ACCSL: variants seen among roughly 807,000 people sequenced by gnomAD.
ACCSL encodes the protein probable inactive 1-aminocyclopropane-1-carboxylate synthase-like protein 2.
ACCSL carries 55 observed loss-of-function variants against 61.7 expected under a neutral mutation model. The ratio of observed to expected loss-of-function variants is 0.89; its 90% CI spans 0.72 to 1.12. The LOEUF (loss-of-function observed/expected upper bound fraction) is 1.12. Ranked by LOEUF, ACCSL falls within the 50% of genes most tolerant of loss-of-function variation. The pLI is 0.00. For synonymous variants in ACCSL, 258 were observed against 264.3 expected (o/e 0.98, Z 0.23); for missense variants, 632 against 698.0 (o/e 0.91, Z 1.07).
At chr11:43,941,307 C>A in the ACCSL span, among the ~76,000 whole-genome samples, 1 of 152,208 alleles carries the variant, frequency 6.6e-6, no homozygotes, top group Non-Finnish European at 1.5e-5. Flanking sequence ...CCCCACAACA[C>A]CCCACTCCCA....
the ACCSL span, among the ~76,000 whole-genome samples, chr11:44,021,055 C>T: frequency 6.6e-6 from 1 of 151,868 alleles, no homozygotes; most frequent in Non-Finnish European, 1.5e-5. Context: ...AGGCTGGTTC[C>T]GTATTTTACG....
the ACCSL span, among the ~76,000 whole-genome samples, chr11:43,932,069 T>A: frequency 6.6e-6 from 1 of 152,132 alleles, no homozygotes; most frequent in Non-Finnish European, 1.5e-5. Context: ...GGGCCAGGCT[T>A]AGAACCTTAA....
chr11:43,985,961 T>C, the ACCSL span, among the ~76,000 whole-genome samples: 60 of 147,894 alleles, frequency 4.1e-4, no homozygotes, highest in Admixed American at 1.5e-3. Flanking sequence ...AGACTCTGTC[T>C]CAAAAAATAT....
At chr11:43,963,885 A>G in the ACCSL span, among the ~76,000 whole-genome samples, 1 of 152,188 alleles carries the variant, frequency 6.6e-6, no homozygotes, top group South Asian at 2.1e-4. Flanking sequence ...CTCCTTGCCA[A>G]TGTACTTAAT....
chr11:43,976,284 A>T, the ACCSL span, among the ~76,000 whole-genome samples: 1 of 152,266 alleles, frequency 6.6e-6, no homozygotes, highest in East Asian at 1.9e-4. Context: ...AGGGCAGACT[A>T]TGGTATCCAG....
chr11:43,988,337 T>A, the ACCSL span, among the ~76,000 whole-genome samples: 3 of 152,122 alleles, frequency 2.0e-5, no homozygotes, highest in Non-Finnish European at 4.4e-5. Flanking sequence ...AACAAATAAC[T>A]CTTCATCAGA....
the ACCSL span, among the ~76,000 whole-genome samples, chr11:43,952,684 A>AATT: frequency 6.6e-6 from 1 of 152,162 alleles, no homozygotes; most frequent in Non-Finnish European, 1.5e-5. Context: ...AAGGGACAGG[A>AATT]ATTATTCACT....
In ACCSL at chr11:44,053,344, G is replaced by C. The variant is rs1232586861; in HGVS notation, c.949-62G>C. 4.5e-6 allele frequency: 7 copies of C among 1,541,424 alleles called. No homozygotes were observed. The East Asian group carries it at 1.6e-4, about 35-fold the overall frequency. On this transcript the variant is annotated intron_variant, in intron 7 of 13. Coordinates refer to ENST00000378832, the MANE Select transcript of ACCSL (RefSeq NM_001031854.2). ...GTGCCTAACCTATAAAAGATCCTTG[G>C]CTGAATTTAGGGTAGATGCTAAGGA...
chr11:43,983,405 C>T, the ACCSL span, among the ~76,000 whole-genome samples: 1 of 152,132 alleles, frequency 6.6e-6, no homozygotes, highest in Non-Finnish European at 1.5e-5. Context: ...GTGCCTGGTG[C>T]AGGGGATGTG....
At chr11:43,938,934 C>CAA in the ACCSL span, among the ~76,000 whole-genome samples, 1 of 152,194 alleles carries the variant, frequency 6.6e-6, no homozygotes, top group Non-Finnish European at 1.5e-5. Context: ...AAAGTTTGGC[C>CAA]TAAGAGACAG....
At chr11:43,975,174 G>A in the ACCSL span, among the ~76,000 whole-genome samples, 3 of 152,210 alleles carry the variant, frequency 2.0e-5, no homozygotes, top group Admixed American at 6.5e-5. Flanking sequence ...TGTGGAGGCT[G>A]CCAGTGAGGG....
chr11:44,035,870 A>G, the ACCSL span, among the ~76,000 whole-genome samples: 1 of 140,920 alleles, frequency 7.1e-6, no homozygotes, highest in Non-Finnish European at 1.5e-5. Context: ...CCTGGAAGGT[A>G]GAGGTTGCAG....
At chr11:43,947,797 A>C in the ACCSL span, among the ~76,000 whole-genome samples, 1 of 151,660 alleles carries the variant, frequency 6.6e-6, no homozygotes, top group South Asian at 2.1e-4. Context: ...GGTAGGAAGG[A>C]GGGAAGGAGA....
In ACCSL at chr11:44,050,117, A is replaced by G. The variant is rs965513873; in HGVS notation, c.560A>G (p.Glu187Gly). The part of the protein sequence containing the change: ...ENKLCMDLMT[E>G]RLQESDMNCI... ...AAGCTCTGCATGGATCTGATGACTG[A>G]AAGAGTAAGGATGTTCTGGGCTGTG... The change falls in exon 2 of 14, where the codon GAA (glutamate) becomes GGA (glycine). Residue 187 changes from glutamate to glycine, a missense_variant. Glu to Gly is a moderately conservative substitution (Grantham distance 98, BLOSUM62 -2). Coordinates refer to ENST00000378832, the MANE Select transcript of ACCSL (RefSeq NM_001031854.2). 2 of 1,613,870 alleles carry G rather than the reference A, an allele frequency of 1.2e-6. No individual in the cohort carries two copies. The highest frequency in any genetic ancestry group is 1.7e-6 in the Non-Finnish European group (2 of 1,179,754).
At chr11:43,952,166 T>G in the ACCSL span, among the ~76,000 whole-genome samples, 1 of 152,266 alleles carries the variant, frequency 6.6e-6, no homozygotes, top group Admixed American at 6.5e-5. Context: ...GATTATTTAG[T>G]CACTCAGATA....
the ACCSL span, among the ~76,000 whole-genome samples, chr11:43,994,431 A>G: frequency 6.6e-6 from 1 of 152,150 alleles, no homozygotes; most frequent in Non-Finnish European, 1.5e-5. Context: ...ACCATTATTC[A>G]ATAGGGTTGG....
the ACCSL span, among the ~76,000 whole-genome samples, chr11:43,970,963 A>C: frequency 6.6e-6 from 1 of 152,226 alleles, no homozygotes; most frequent in Admixed American, 6.5e-5. Context: ...TTCTATAGAA[A>C]GCTGCAATGA....
chr11:44,058,783 C>T (rs780775123), intron 13 of ACCSL, 84 bp downstream of exon 13: 214 of 1,465,996 alleles, frequency 1.5e-4, no homozygotes, highest in Non-Finnish European at 1.9e-4. Flanking sequence ...CCTTAAACAT[C>T]CTATAGATCT....
At chr11:44,032,664 G>A in the ACCSL span, among the ~76,000 whole-genome samples, 2 of 152,200 alleles carry the variant, frequency 1.3e-5, no homozygotes, top group East Asian at 1.9e-4. Flanking sequence ...GGGCGGATAC[G>A]TGGGCATTGT....
Sources: allele counts gnomAD v4.1 joint callset (sites outside exome capture counted in the v4.1 genomes callset), GRCh38; gene constraint gnomAD v4.1.1; transcripts MANE v1.5; gene names NCBI Gene and HGNC (gene_info 2026-07-23, HGNC 2026-07-21).